Variants in ZNG1A observed in about 807,000 individuals in gnomAD.
The protein encoded by ZNG1A is Zn regulated GTPase metalloprotein activator 1A.
chr9:154,778 T>A, the ZNG1A span: 1 of 1,590,230 alleles, frequency 6.3e-7, no homozygotes, highest in Non-Finnish European at 8.5e-7. Context: ...GAGAATGGCA[T>A]CTGCCAAAGC....
chr9:124,385 C>G, the ZNG1A span, among the ~76,000 whole-genome samples: 2 of 151,314 alleles, frequency 1.3e-5, no homozygotes, highest in East Asian at 3.9e-4. Context: ...AAATAATATA[C>G]TAAAGCACAT....
the ZNG1A span, among the ~76,000 whole-genome samples, chr9:144,558 A>C: frequency 1.3e-5 from 2 of 152,114 alleles, no homozygotes; most frequent in African/African-American, 4.8e-5. Flanking sequence ...ACATGGATTA[A>C]AGACTTAAAC....
the ZNG1A span, among the ~76,000 whole-genome samples, chr9:139,281 G>A: frequency 5.3e-5 from 8 of 150,862 alleles, no homozygotes; most frequent in African/African-American, 2.0e-4. Flanking sequence ...GACAAATAAT[G>A]CATGATTCCA....
At chr9:138,767 G>A in the ZNG1A span, among the ~76,000 whole-genome samples, 9 of 148,366 alleles carry the variant, frequency 6.1e-5, no homozygotes, top group South Asian at 4.3e-4. Flanking sequence ...AGTCAGGCAT[G>A]GTGACACATG....
the ZNG1A span, among the ~76,000 whole-genome samples, chr9:140,859 G>A: frequency 0.14 from 19,541 of 139,090 alleles, 839 homozygotes; most frequent in East Asian, 0.32. Context: ...AGCTGATGGA[G>A]CTGAAAACCA....
the ZNG1A span, among the ~76,000 whole-genome samples, chr9:138,398 T>TTC: frequency 5.0e-5 from 6 of 120,428 alleles, no homozygotes; most frequent in African/African-American, 1.7e-4. Context: ...CTTTCTTTCT[T>TTC]TTTTTTTTTA....
the ZNG1A span, among the ~76,000 whole-genome samples, chr9:128,488 C>G: frequency 2.7e-5 from 4 of 150,414 alleles, no homozygotes; most frequent in South Asian, 8.4e-4. Context: ...CTTTCCAGAG[C>G]ATTTTATATT....
chr9:131,271 T>C, the ZNG1A span, among the ~76,000 whole-genome samples: 36 of 139,780 alleles, frequency 2.6e-4, 2 homozygotes, highest in African/African-American at 9.5e-4. Context: ...AGCCAATAAT[T>C]GAGAAAACTA....
the ZNG1A span, chr9:161,599 G>C: frequency 7.8e-7 from 1 of 1,286,638 alleles, no homozygotes; most frequent in South Asian, 1.2e-5. Flanking sequence ...CTCAGATTGG[G>C]AACGGGTCAG....
chr9:176,047 A>C, the ZNG1A span, among the ~76,000 whole-genome samples: 7 of 149,474 alleles, frequency 4.7e-5, no homozygotes, highest in African/African-American at 1.8e-4. Flanking sequence ...CCTTCCCTAA[A>C]ATTTACACAC....
chr9:166,017 C>T, the ZNG1A span: 41 of 147,448 alleles, frequency 2.8e-4, 2 homozygotes, highest in Middle Eastern at 0.01. Flanking sequence ...AAAGTAGAGC[C>T]GAGGAATGAA....
the ZNG1A span, among the ~76,000 whole-genome samples, chr9:178,529 G>A: frequency 1.8e-5 from 2 of 111,540 alleles, no homozygotes; most frequent in African/African-American, 5.4e-5. Context: ...CTTGGTAAGA[G>A]GTCACAGAGA....
chr9:142,482 C>A, the ZNG1A span, among the ~76,000 whole-genome samples: 1 of 111,844 alleles, frequency 8.9e-6, no homozygotes, highest in African/African-American at 4.2e-5. Flanking sequence ...TAAAGATGTT[C>A]TTTGAAACCA....
the ZNG1A span, among the ~76,000 whole-genome samples, chr9:145,553 T>TGGGGGGA: frequency 1.4e-5 from 1 of 70,434 alleles, no homozygotes; most frequent in Non-Finnish European, 2.6e-5. Flanking sequence ...TGTTGTGGGG[T>TGGGGGGA]GGGGGGAGGG....
chr9:125,538 CA>C, the ZNG1A span, among the ~76,000 whole-genome samples: 3 of 150,312 alleles, frequency 2.0e-5, no homozygotes, highest in Non-Finnish European at 4.4e-5. Context: ...TTTTGCTGTG[CA>C]AAAGTTCTTT....
chr9:165,161 T>C, the ZNG1A span, among the ~76,000 whole-genome samples: 2 of 152,136 alleles, frequency 1.3e-5, no homozygotes, highest in African/African-American at 2.4e-5. Context: ...AATAAGAATT[T>C]TGTTCACTTT....
the ZNG1A span, among the ~76,000 whole-genome samples, chr9:141,131 A>T: frequency 7.6e-6 from 1 of 131,422 alleles, no homozygotes; most frequent in Non-Finnish European, 1.6e-5. Flanking sequence ...GATATTATCC[A>T]GGAGAACTTC....
chr9:146,270 G>A, the ZNG1A span: 1 of 1,196,308 alleles, frequency 8.4e-7, no homozygotes, highest in East Asian at 2.3e-5. Flanking sequence ...TCATAGAAGT[G>A]GGCAAATGGT....
the ZNG1A span, among the ~76,000 whole-genome samples, chr9:159,443 C>T: frequency 6.6e-6 from 1 of 152,082 alleles, no homozygotes; most frequent in African/African-American, 2.4e-5. Flanking sequence ...TTACCACCCC[C>T]TCTCAAAAAA....
Sources: gnomAD v4.1 joint callset for allele counts (sites outside exome capture counted in the v4.1 genomes callset) on GRCh38, gnomAD v4.1.1 for gene constraint, MANE v1.5 for transcripts, NCBI Gene and HGNC (gene_info 2026-07-23, HGNC 2026-07-21) for gene names.